GPLD1: variants seen among roughly 807,000 people sequenced by gnomAD.
GPLD1 encodes the protein phosphatidylinositol-glycan-specific phospholipase D.
GPLD1 carries 84 observed loss-of-function variants against 112.6 expected under a neutral mutation model. The ratio of observed to expected loss-of-function variants is 0.75; its 90% CI spans 0.63 to 0.89. GPLD1 has a LOEUF of 0.89. Among genes scored for constraint, GPLD1 ranks in the 40% least tolerant of loss-of-function variants. The probability of loss-of-function intolerance (pLI) is 0.00; values close to 1 mark genes in which losing one functional copy is unlikely to be tolerated. For missense variants in GPLD1, 1,044 were observed against 1,051.5 expected, an observed-to-expected ratio of 0.99 and a Z score of 0.10; for synonymous variants, 386 against 403.8, an observed-to-expected ratio of 0.96 and a Z score of 0.53.
chr6:24,442,722 G>C (rs1339450433), intron 20 of GPLD1, among the ~76,000 whole-genome samples: 1 of 151,078 alleles, frequency 6.6e-6, no homozygotes, highest in Non-Finnish European at 1.5e-5. Flanking sequence ...AAGATTACAG[G>C]CATGAGCCAC....
intron 24 of GPLD1, among the ~76,000 whole-genome samples, chr6:24,430,413 G>A (rs1762365734): frequency 6.6e-6 from 1 of 152,148 alleles, no homozygotes; most frequent in African/African-American, 2.4e-5. Context: ...TTGTGGGCCT[G>A]CTGTATTTTC....
intron 2 of GPLD1, among the ~76,000 whole-genome samples, chr6:24,485,672 C>CTTTTTT (rs372900860): frequency 6.8e-6 from 1 of 147,216 alleles, no homozygotes. Flanking sequence ...AATAATGAGT[C>CTTTTTT]TCTTTTTTTT....
At chr6:24,430,260 C>A (rs1205644608) in intron 24 of GPLD1, among the ~76,000 whole-genome samples, 1 of 152,230 alleles carries the variant, frequency 6.6e-6, no homozygotes, top group Non-Finnish European at 1.5e-5. Context: ...TCTGTTTTGT[C>A]AGAGTCTAGT....
At chr6:24,458,883 A>C (rs1028854295) in intron 12 of GPLD1, among the ~76,000 whole-genome samples, 2 of 151,890 alleles carry the variant, frequency 1.3e-5, no homozygotes, top group Non-Finnish European at 2.9e-5. Flanking sequence ...GTCTCAAAAA[A>C]AAAAAAATTG....
At chr6:24,456,029 T>G (rs1763254697) in intron 13 of GPLD1, among the ~76,000 whole-genome samples, 1 of 152,102 alleles carries the variant, frequency 6.6e-6, no homozygotes, top group Non-Finnish European at 1.5e-5. Context: ...AAAAAAATTT[T>G]TTTAATCAAA....
At chr6:24,477,131 A>G (rs1225425275) in intron 3 of GPLD1, among the ~76,000 whole-genome samples, 1 of 151,634 alleles carries the variant, frequency 6.6e-6, no homozygotes, top group Non-Finnish European at 1.5e-5. Flanking sequence ...GAATACAGTA[A>G]AACTCCAGAA....
intron 24 of GPLD1, among the ~76,000 whole-genome samples, chr6:24,431,283 A>G (rs1386392063): frequency 6.6e-6 from 1 of 152,108 alleles, no homozygotes; most frequent in Non-Finnish European, 1.5e-5. Flanking sequence ...ACAGCACTTA[A>G]CAAGTCTTAC....
At chr6:24,457,743 G>A (rs553188468) in intron 12 of GPLD1, among the ~76,000 whole-genome samples, 1 of 151,724 alleles carries the variant, frequency 6.6e-6, no homozygotes, top group African/African-American at 2.4e-5. Context: ...AGTGGTGGCG[G>A]GCACCTGTAG....
intron 5 of GPLD1, among the ~76,000 whole-genome samples, 188 bp from the exon 6 acceptor site, chr6:24,473,855 T>A (rs1003154280): frequency 3.3e-5 from 5 of 152,208 alleles, no homozygotes; most frequent in Non-Finnish European, 5.9e-5. Flanking sequence ...CAGGGCGCGG[T>A]AGCTCACGCC....
Position 24,462,764 on chromosome 6 carries a change from T to G in GPLD1, c.853A>C (p.Ile285Leu), listed in dbSNP as rs1561845398. 6.2e-7 allele frequency: 1 copy of G among 1,613,622 alleles called. No homozygotes were observed. Among genetic ancestry groups the G allele is most frequent in the Admixed American group, 1.7e-5 (1 of 60,024 alleles). The change falls in exon 11 of 25, where the codon ATT becomes CTT. Residue 285 changes from isoleucine (I) to leucine (L), a missense_variant. Transcript: ENST00000230036. ...DCNLPENPLF[I>L]ACGGQQNHTQ... ...TGGTTTTGCTGGCCGCCACATGCAA[T>G]GAACAGAGGGTTCTCAGGCAGGTTG... is the stretch of plus-strand genomic sequence containing the variant.
chr6:24,495,105 C>A, exon 1 of GPLD1: 1 of 1,316,782 alleles, frequency 7.6e-7, no homozygotes. Flanking sequence ...TGCCTCCGGG[C>A]CTGCGCCCGG....
intron 3 of GPLD1, among the ~76,000 whole-genome samples, chr6:24,479,289 C>G (rs1448812953): frequency 6.6e-6 from 1 of 152,194 alleles, no homozygotes; most frequent in Non-Finnish European, 1.5e-5. Context: ...AGAGAGTGTT[C>G]CTGACCGAAA....
intron 10 of GPLD1, among the ~76,000 whole-genome samples, chr6:24,463,310 C>T (rs1561845801): frequency 6.6e-6 from 1 of 152,278 alleles, no homozygotes; most frequent in Admixed American, 6.5e-5. Flanking sequence ...TCCCCCAACA[C>T]TGAACAGAAG....
Position 24,445,532 on chromosome 6 carries a change from A to T in GPLD1, c.2020+14T>A. On this transcript the variant is annotated intron_variant, in intron 20 of 24. Transcript: ENST00000230036. ...TGACTGAAAGGAAGCACAGTTTCACAGTGTGTGACCTACCGTACGTAGGGG... is the reference window on the plus strand; with the variant it reads ...TGACTGAAAGGAAGCACAGTTTCACTGTGTGTGACCTACCGTACGTAGGGG... The T allele has an allele frequency of 6.3e-7, 1 of 1,576,960 alleles. No homozygotes were observed. Among genetic ancestry groups the T allele is most frequent in the Non-Finnish European group, 8.7e-7 (1 of 1,146,352 alleles).
At chr6:24,485,976 G>A in intron 2 of GPLD1, 99 bp downstream of exon 2, 1 of 763,932 alleles carries the variant, frequency 1.3e-6, no homozygotes, top group Non-Finnish European at 2.2e-6. Flanking sequence ...GCCAAAATGA[G>A]TCTTAAAATT....
intron 4 of GPLD1, 24 bp downstream of exon 4, chr6:24,476,157 T>C (rs1309317061): frequency 7.9e-7 from 1 of 1,270,672 alleles, no homozygotes; most frequent in Non-Finnish European, 1.1e-6. Context: ...CTAAATATTT[T>C]AAGGATTGGA....
Position 24,473,584 on chromosome 6 carries a change from C to A in GPLD1, c.490+35G>T, listed in dbSNP as rs752733269. The A allele has an allele frequency of 8.6e-6, 12 of 1,395,000 alleles. No homozygotes were observed. The African/African-American group carries it at 9.9e-5, about 12-fold the overall frequency. The allele number at this position is 1,395,000 out of a possible 1,614,324, so 86.4% of individuals were successfully genotyped here. A position where few individuals can be genotyped will look rare whatever the true frequency, so the allele number is the denominator to read the frequency against. On this transcript the variant is annotated intron_variant, in intron 6 of 24. Coordinates refer to ENST00000230036, the MANE Select transcript of GPLD1 (RefSeq NM_001503.4). ...TGATGTCATTATAAGTGAACTATAC[C>A]ACGAGAAAATTTAGCAAATGTAAAT...
At chr6:24,434,837 C>CAAAAAAAAAAAAA (rs747085341) in intron 22 of GPLD1, among the ~76,000 whole-genome samples, 34 of 65,446 alleles carry the variant, frequency 5.2e-4, no homozygotes, top group African/African-American at 1.5e-3. Flanking sequence ...GACTCCGTCT[C>CAAAAAAAAAAAAA]AAAAAAAAAA....
In GPLD1 at chr6:24,462,715, T is replaced by C; in HGVS notation, c.887+15A>G. 1 of 1,580,842 alleles carries C rather than the reference T, an allele frequency of 6.3e-7. No homozygotes were observed. Among genetic ancestry groups the C allele is most frequent in the Non-Finnish European group, 8.7e-7 (1 of 1,149,640 alleles). ...AGATGTACTTTTTCTATGAACAATT[T>C]TGGAATCCACTTACCCCTGGGTGTG... is the stretch of plus-strand genomic sequence containing the variant. On this transcript the variant is annotated intron_variant, in intron 11 of 24. Transcript: ENST00000230036.
Sources: gnomAD v4.1 joint callset for allele counts (sites outside exome capture counted in the v4.1 genomes callset) on GRCh38, gnomAD v4.1.1 for gene constraint, MANE v1.5 for transcripts, NCBI Gene and HGNC (gene_info 2026-07-23, HGNC 2026-07-21) for gene names.